The following RCAN2 variants were observed in gnomAD, a reference collection of about 807,000 sequenced individuals.
RCAN2 encodes the protein calcipressin-2.
Under a neutral mutation model 23.6 loss-of-function variants are expected in RCAN2, and 9 were observed. The observed-to-expected ratio is 0.38, with a 90% CI of 0.23 to 0.67. The LOEUF is 0.67. Ranked by LOEUF, RCAN2 falls within the 30% of genes least tolerant of loss-of-function variation. The pLI is 0.51. For missense variants in RCAN2, 273 were observed against 302.3 expected (o/e 0.90, Z 0.72); for synonymous variants, 109 against 115.7 (o/e 0.94, Z 0.37).
chr6:46,256,278 G>A (rs1163104434), intron 2 of RCAN2, among the ~76,000 whole-genome samples: 1 of 152,106 alleles, frequency 6.6e-6, no homozygotes, highest in Non-Finnish European at 1.5e-5. Flanking sequence ...GCTCAGGCAG[G>A]AGAATCACTT....
At chr6:46,415,652 T>C (rs772152923) in intron 2 of RCAN2, among the ~76,000 whole-genome samples, 28 of 151,844 alleles carry the variant, frequency 1.8e-4, no homozygotes, top group African/African-American at 6.1e-4. Flanking sequence ...AAAGGAGAGT[T>C]AGGAGAGGAA....
intron 2 of RCAN2, among the ~76,000 whole-genome samples, chr6:46,443,291 T>G (rs1284911882): frequency 6.6e-6 from 1 of 152,132 alleles, no homozygotes; most frequent in Non-Finnish European, 1.5e-5. Context: ...TCTATTTTAT[T>G]TTTACAACAT....
intron 2 of RCAN2, among the ~76,000 whole-genome samples, chr6:46,429,964 A>G (rs1184671143): frequency 6.6e-6 from 1 of 152,164 alleles, no homozygotes; most frequent in Non-Finnish European, 1.5e-5. Context: ...ATGGCTGGAG[A>G]CAGAAGACTC....
intron 2 of RCAN2, among the ~76,000 whole-genome samples, chr6:46,434,559 G>A (rs1376725343): frequency 6.6e-6 from 1 of 152,162 alleles, no homozygotes; most frequent in Non-Finnish European, 1.5e-5. Flanking sequence ...CATTTAGAAT[G>A]GAGGAAAGAA....
At chr6:46,288,070 C>T (rs6915263) in intron 2 of RCAN2, among the ~76,000 whole-genome samples, 1,853 of 152,254 alleles carry the variant, frequency 0.012, 38 homozygotes, top group African/African-American at 0.039. Flanking sequence ...TATTCCTGAG[C>T]GTTCTTCCTA....
chr6:46,391,863 T>TA (rs1426157992), intron 2 of RCAN2, among the ~76,000 whole-genome samples: 1 of 152,118 alleles, frequency 6.6e-6, no homozygotes, highest in Non-Finnish European at 1.5e-5. Flanking sequence ...AAGGCTTGCA[T>TA]ATGGGGCCTG....
intron 2 of RCAN2, among the ~76,000 whole-genome samples, chr6:46,403,171 T>C (rs1766306347): frequency 6.6e-6 from 1 of 152,066 alleles, no homozygotes; most frequent in African/African-American, 2.4e-5. Context: ...TTCACCATGT[T>C]AGCCAGGATG....
intron 2 of RCAN2, among the ~76,000 whole-genome samples, chr6:46,259,441 A>G (rs905348657): frequency 6.6e-6 from 1 of 152,278 alleles, no homozygotes; most frequent in East Asian, 1.9e-4. Context: ...TCACAAAATA[A>G]TCTGGAGTCC....
Position 46,246,768 on chromosome 6 carries a change from G to C in RCAN2, c.551C>G (p.Ala184Gly). The change falls in exon 4 of 5, where the codon GCT becomes GGT. Residue 184 changes from alanine (A) to glycine (G), a missense_variant. Transcript: ENST00000371374. ...CTTACCTGGTCCTAGTTTGGCCACA[G>C]CATAGAGGAGGTCATAGTTGAGGAC... is the stretch of plus-strand genomic sequence containing the variant. ...TPVLNYDLLYAVAKLGPGEKY... is the reference protein window; with the variant it reads ...TPVLNYDLLYGVAKLGPGEKY... 1 of 1,613,592 alleles carries C rather than the reference G, an allele frequency of 6.2e-7. No homozygotes were observed. The highest frequency in any genetic ancestry group is 8.5e-7 in the Non-Finnish European group (1 of 1,179,770).
intron 3 of RCAN2, 57 bp from the exon 4 acceptor site, chr6:46,246,976 G>A: frequency 1.5e-6 from 2 of 1,379,040 alleles, no homozygotes; most frequent in Non-Finnish European, 1.9e-6. Context: ...GATGTGTCAT[G>A]TTGGCACATT....
intron 2 of RCAN2, among the ~76,000 whole-genome samples, chr6:46,352,528 C>T (rs1236129181): frequency 6.6e-6 from 1 of 152,200 alleles, no homozygotes; most frequent in African/African-American, 2.4e-5. Context: ...GGTTCCATCA[C>T]AGTCACTTCC....
At chr6:46,288,249 C>T (rs1023695350) in intron 2 of RCAN2, among the ~76,000 whole-genome samples, 2 of 152,208 alleles carry the variant, frequency 1.3e-5, no homozygotes, top group Non-Finnish European at 2.9e-5. Flanking sequence ...TAAAATTAAA[C>T]CATTAAAAGA....
rs201738579 is a variant in RCAN2 at position 46,435,616 on chromosome 6, G to A, written c.225+21136C>T. Reference sequence around the variant, plus strand: ...AAGAATGAAGCACCCGCAGAGGAATGTATCTTCTATTCAGTAGACTTTTGT... The same window carrying A: ...AAGAATGAAGCACCCGCAGAGGAATATATCTTCTATTCAGTAGACTTTTGT... On this transcript the variant is annotated intron_variant, in intron 2 of 4. Transcript: ENST00000371374. Among the ~76,000 whole-genome samples the A allele has an allele frequency of 1.4e-4, 21 of 152,324 alleles. No homozygotes were observed. The East Asian group carries it at 4.0e-3, about 29-fold the overall frequency.
chr6:46,479,507 T>A (rs1270360420), intron 1 of RCAN2, among the ~76,000 whole-genome samples: 1 of 151,926 alleles, frequency 6.6e-6, no homozygotes, highest in Non-Finnish European at 1.5e-5. Context: ...ATGGCTATGA[T>A]ATTGAAAACC....
At chr6:46,490,895 T>G (rs888347247) in intron 1 of RCAN2, among the ~76,000 whole-genome samples, 2 of 151,612 alleles carry the variant, frequency 1.3e-5, no homozygotes, top group Non-Finnish European at 1.5e-5. Context: ...GGGAAGGGGC[T>G]CCTTTGGACC....
chr6:46,469,246 A>G lies in RCAN2; in HGVS notation c.-2-12268T>C, dbSNP rs147886290. ...CTCTCACTATTGTCAGAGAGTCACA[A>G]TTCAAGATGATCCGTAATTAATCTC... On this transcript the variant is annotated intron_variant, in intron 1 of 4. Transcript: ENST00000371374. Among the ~76,000 whole-genome samples the G allele has an allele frequency of 6.1e-3, 924 of 152,304 alleles. 5 individuals are homozygous for G. The highest frequency in any genetic ancestry group is 0.016 in the African/African-American group (665 of 41,566).
Position 46,381,577 on chromosome 6 carries a change from G to A in RCAN2, c.225+75175C>T, listed in dbSNP as rs543803100. On this transcript the variant is annotated intron_variant, in intron 2 of 4. Coordinates refer to ENST00000371374, the MANE Select transcript of RCAN2 (RefSeq NM_001251974.2). ...CACAGTAATCCTACTAGGCGTTCTC[G>A]TTCCCCCAGACAAAGAGCTCTTTAT... Among the ~76,000 whole-genome samples the A allele has an allele frequency of 1.4e-4, 21 of 152,232 alleles. 1 individual carries two copies. The East Asian group carries it at 3.5e-3, about 25-fold the overall frequency.
chr6:46,466,147 T>A (rs1037444173), intron 1 of RCAN2, among the ~76,000 whole-genome samples: 1 of 152,166 alleles, frequency 6.6e-6, no homozygotes, highest in Non-Finnish European at 1.5e-5. Context: ...CCAAAGCCTC[T>A]GGAAGAGTGG....
Position 46,323,784 on chromosome 6 carries a change from T to C in RCAN2, c.226-74888A>G, listed in dbSNP as rs143291401. ...GAAACCTTCGGCAGTTGGTTATTTT[T>C]ATAGCTATATCATAGATACATATGC... On this transcript the variant is annotated intron_variant, in intron 2 of 4. Transcript: ENST00000371374. 9.3e-4 allele frequency among the ~76,000 whole-genome samples: 141 copies of C among 152,386 alleles called. 1 individual carries two copies. The highest frequency in any genetic ancestry group is 3.2e-3 in the African/African-American group (134 of 41,592).
Sources: gnomAD v4.1 joint callset for allele counts (sites outside exome capture counted in the v4.1 genomes callset) on GRCh38, gnomAD v4.1.1 for gene constraint, MANE v1.5 for transcripts, NCBI Gene and HGNC (gene_info 2026-07-23, HGNC 2026-07-21) for gene names.